Variants in TBCD observed in about 807,000 individuals in gnomAD.
The protein encoded by TBCD is tubulin folding cofactor D.
In TBCD, 105 loss-of-function variants were observed where a neutral mutation model predicts 169.3. The observed-to-expected ratio is 0.62, with a 90% CI of 0.53 to 0.73. TBCD has a LOEUF of 0.73. Ranked by LOEUF, TBCD falls within the 30% of genes least tolerant of loss-of-function variation. The pLI is 0.00. For missense variants in TBCD, 1,444 were observed against 1,600.1 expected (o/e 0.90, Z 1.66); for synonymous variants, 700 against 643.9 (o/e 1.09, Z -1.32).
intron 13 of TBCD, among the ~76,000 whole-genome samples, chr17:82,834,182 A>G (rs2053766332): frequency 6.6e-6 from 1 of 152,140 alleles, no homozygotes. Context: ...TCCTGACCTC[A>G]GGTGATCCAC....
At chr17:82,850,964 A>C (rs1567890147) in intron 13 of TBCD, among the ~76,000 whole-genome samples, 2 of 152,376 alleles carry the variant, frequency 1.3e-5, no homozygotes, top group South Asian at 2.1e-4. Context: ...GTGTGCACAT[A>C]CAATATTTCA....
At position 82,920,277 on chromosome 17, in the gene TBCD, C is replaced by T. The variant is rs2061337237; in HGVS notation, c.2039-279C>T. ...GCAGCTCCCTGACAGGCCGGCCCGG[C>T]TTCTCTGAAGTGCACGTGGGCTCAC... On this transcript the variant is annotated intron_variant, in intron 23 of 38. Coordinates refer to ENST00000355528, the MANE Select transcript of TBCD (RefSeq NM_005993.5). This position sits in a 1 kb window ranked among gnomAD's most constrained non-coding sequence, Gnocchi z 4.1. 6.6e-6 allele frequency among the ~76,000 whole-genome samples: 1 copy of T among 152,268 alleles called. No individual in the cohort carries two copies. Among genetic ancestry groups the T allele is most frequent in the Admixed American group, 6.5e-5 (1 of 15,288 alleles).
At chr17:82,895,582 T>A (rs943874934) in intron 17 of TBCD, among the ~76,000 whole-genome samples, 1 of 152,096 alleles carries the variant, frequency 6.6e-6, no homozygotes, top group Non-Finnish European at 1.5e-5. Context: ...AGGAGAGGGC[T>A]TGAGGGCTCT....
intron 13 of TBCD, among the ~76,000 whole-genome samples, chr17:82,828,722 C>T (rs2053184042): frequency 6.7e-6 from 1 of 149,796 alleles, no homozygotes; most frequent in East Asian, 2.0e-4. Context: ...CATGCACTCA[C>T]ATGATTGAAT....
At chr17:82,760,197 T>C (rs1380064464) in intron 2 of TBCD, among the ~76,000 whole-genome samples, 1 of 152,154 alleles carries the variant, frequency 6.6e-6, no homozygotes, top group Non-Finnish European at 1.5e-5. Context: ...TTGATGTTAG[T>C]TTATATTTTG....
At chr17:82,819,982 T>G (rs919244434) in intron 13 of TBCD, among the ~76,000 whole-genome samples, 3 of 151,900 alleles carry the variant, frequency 2.0e-5, no homozygotes, top group Non-Finnish European at 4.4e-5. Flanking sequence ...ACCTTTTTTT[T>G]TTTTTTCTTT....
intron 15 of TBCD, among the ~76,000 whole-genome samples, chr17:82,886,894 T>C (rs1318615057): frequency 6.6e-6 from 1 of 151,414 alleles, no homozygotes; most frequent in Admixed American, 6.6e-5. Context: ...GGTCTCGAAC[T>C]CCTGACCTGA....
At chr17:82,849,806 C>G (rs2055498208) in intron 13 of TBCD, among the ~76,000 whole-genome samples, 1 of 152,264 alleles carries the variant, frequency 6.6e-6, no homozygotes, top group Admixed American at 6.5e-5. Flanking sequence ...CCCTGGTAGT[C>G]CTCGGAGAGG....
intron 26 of TBCD, among the ~76,000 whole-genome samples, chr17:82,924,221 T>G (rs2061585693): frequency 1.3e-5 from 2 of 152,218 alleles, no homozygotes; most frequent in Non-Finnish European, 2.9e-5. Context: ...CCCAAAGTTC[T>G]GGGATTACAG....
intron 2 of TBCD, 140 bp downstream of exon 2, chr17:82,756,355 G>A (rs1475843946): frequency 2.3e-6 from 2 of 851,448 alleles, no homozygotes; most frequent in African/African-American, 3.4e-5. Context: ...TGGCTGGTTG[G>A]TTTTAGCCGA....
rs1054301330 is a variant in TBCD, at chr17:82,880,663, C to T, written c.1476-3482C>T. Among the ~76,000 whole-genome samples the T allele has an allele frequency of 3.9e-5, 6 of 151,988 alleles. No individual in the cohort carries two copies. Among genetic ancestry groups the T allele is most frequent in the South Asian group, 2.1e-4 (1 of 4,824 alleles). On this transcript the variant is annotated intron_variant, in intron 14 of 38. Transcript: ENST00000355528. The surrounding 1 kb of genome is among the most constrained non-coding windows in gnomAD (Gnocchi z 5.0). ...CCGTGGTGTTGGGAGGTGCTGGGCC[C>T]GGAGGTATCAGCAGGAACTGCAGGG...
At chr17:82,772,149 G>A (rs1484215084) in intron 5 of TBCD, among the ~76,000 whole-genome samples, 1 of 152,098 alleles carries the variant, frequency 6.6e-6, no homozygotes, top group Non-Finnish European at 1.5e-5. Context: ...TGTTACAATT[G>A]GGTAACTCCT....
chr17:82,924,958 C>T lies in TBCD; in HGVS notation c.2280C>T (p.Tyr760=). Residue 760 remains tyrosine (Y), a synonymous_variant, in exon 27 of 39, where the codon TAC becomes TAT. Coordinates refer to ENST00000355528, the MANE Select transcript of TBCD (RefSeq NM_005993.5). The part of the protein sequence containing the change: ...PAIQEELITQ[Y]LAELRNPEEM... ...TTTCAGAGGAGCTGATCACGCAGTA[C>T]CTGGCTGAGCTTCGGAACCCCGAGG... 6.4e-7 allele frequency: 1 copy of T among 1,568,354 alleles called. No homozygotes were observed. The highest frequency in any genetic ancestry group is 8.7e-7 in the Non-Finnish European group (1 of 1,155,424).
At position 82,835,588 on chromosome 17, in the gene TBCD, A is replaced by T. The variant is rs2053899915; in HGVS notation, c.1318+20654A>T. Among the ~76,000 whole-genome samples, 1 of 151,690 alleles carries T rather than the reference A, an allele frequency of 6.6e-6. No individual in the cohort carries two copies. Among genetic ancestry groups the T allele is most frequent in the South Asian group, 2.1e-4 (1 of 4,810 alleles). On this transcript the variant is annotated intron_variant, in intron 13 of 38. Transcript: ENST00000355528. This position sits in a 1 kb window ranked among gnomAD's most constrained non-coding sequence, Gnocchi z 4.5. ...CAGGTGCCTACCACCACGCCCAGCT[A>T]ATTTTTTTGTAATTTTAGTAGAGAT...
intron 13 of TBCD, among the ~76,000 whole-genome samples, chr17:82,819,288 C>A (rs1000873851): frequency 1.3e-5 from 2 of 152,154 alleles, no homozygotes; most frequent in African/African-American, 4.8e-5. Flanking sequence ...GCCCTTAGTC[C>A]TCTGAATAGG....
intron 13 of TBCD, chr17:82,839,781 C>T (rs1252717968): frequency 1.3e-5 from 2 of 152,258 alleles, no homozygotes; most frequent in African/African-American, 4.8e-5. Context: ...CAGCCATGCA[C>T]CTGCTGGGTC....
At position 82,890,019 on chromosome 17, in the gene TBCD, G is replaced by A. The variant is rs538316329; in HGVS notation, c.1563+322G>A. Among the ~76,000 whole-genome samples, 6 of 152,204 alleles carry A rather than the reference G, an allele frequency of 3.9e-5. No homozygotes were observed. Among genetic ancestry groups the A allele is most frequent in the Non-Finnish European group, 8.8e-5 (6 of 68,020 alleles). On this transcript the variant is annotated intron_variant, in intron 16 of 38. Transcript: ENST00000355528. This position sits in a 1 kb window ranked among gnomAD's most constrained non-coding sequence, Gnocchi z 5.3. ...CTTGCGGGGACGCAGACCTGACCCC[G>A]CCTCATCCCACACAGAGCAGGAGCT...
chr17:82,911,389 G>A (rs954831700), intron 22 of TBCD, among the ~76,000 whole-genome samples: 10 of 151,598 alleles, frequency 6.6e-5, no homozygotes, highest in South Asian at 2.1e-4. Flanking sequence ...TTCGCTCATG[G>A]TAGAACCGCA....
In TBCD at chr17:82,771,523, A is replaced by G. The variant is rs149898356; in HGVS notation, c.583-929A>G. ...AGCCTCTGCCTTTGAGGCTCAAGCA[A>G]TCCTCCCACCTCAGCCTCCTGAGTA... On this transcript the variant is annotated intron_variant, in intron 5 of 38. Coordinates refer to ENST00000355528, the MANE Select transcript of TBCD (RefSeq NM_005993.5). 9.1e-3 allele frequency among the ~76,000 whole-genome samples: 1,382 copies of G among 152,038 alleles called. 17 individuals are homozygous for G. Among genetic ancestry groups the G allele is most frequent in the African/African-American group, 0.032 (1,334 of 41,476 alleles).
Sources: gnomAD v4.1 joint callset for allele counts (sites outside exome capture counted in the v4.1 genomes callset) on GRCh38, gnomAD v4.1.1 for gene constraint, Gnocchi (gnomAD v3.1) non-coding constraint, MANE v1.5 for transcripts, NCBI Gene and HGNC (gene_info 2026-07-23, HGNC 2026-07-21) for gene names.